The following STX8 variants were observed in gnomAD, a reference collection of about 807,000 sequenced individuals.
STX8 encodes syntaxin-8.
STX8 carries 23 observed loss-of-function variants against 37.5 expected under a neutral mutation model. The observed-to-expected ratio is 0.61, with a 90% CI of 0.44 to 0.87. The LOEUF is 0.87. STX8 is among the 40% of genes least tolerant of loss of function. STX8 has a pLI of 0.00. For missense variants in STX8, 313 were observed against 284.7 expected (o/e 1.10, Z -0.71); for synonymous variants, 115 against 99.1 (o/e 1.16, Z -0.95).
chr17:9,350,076 C>T (rs1260275089), intron 7 of STX8, among the ~76,000 whole-genome samples: 1 of 152,152 alleles, frequency 6.6e-6, no homozygotes, highest in African/African-American at 2.4e-5. Context: ...GACCTCCTGG[C>T]AATATGTCAG....
At chr17:9,396,403 G>A (rs1029391988) in intron 6 of STX8, among the ~76,000 whole-genome samples, 58 of 152,224 alleles carry the variant, frequency 3.8e-4, no homozygotes, top group African/African-American at 1.4e-3. Context: ...CTCTATATGG[G>A]CCGGGCGCAG....
At chr17:9,499,620 G>C (rs1258207212) in intron 5 of STX8, among the ~76,000 whole-genome samples, 1 of 152,092 alleles carries the variant, frequency 6.6e-6, no homozygotes, top group Non-Finnish European at 1.5e-5. Flanking sequence ...GGATGGTCTC[G>C]ATCTCTTGAC....
intron 7 of STX8, among the ~76,000 whole-genome samples, chr17:9,345,142 C>T (rs1367991794): frequency 6.6e-6 from 1 of 151,742 alleles, no homozygotes; most frequent in East Asian, 1.9e-4. Context: ...ATACACACAG[C>T]TCTCATTTTC....
At chr17:9,261,014 G>C (rs1907005312) in intron 7 of STX8, among the ~76,000 whole-genome samples, 1 of 152,228 alleles carries the variant, frequency 6.6e-6, no homozygotes. Flanking sequence ...AGGGGTGGGG[G>C]TTGGGATGAG....
intron 6 of STX8, among the ~76,000 whole-genome samples, chr17:9,465,281 C>T (rs1208686934): frequency 6.6e-6 from 1 of 151,732 alleles, no homozygotes; most frequent in African/African-American, 2.4e-5. Context: ...ACAGAAAGAA[C>T]AAAGATGCTA....
chr17:9,459,557 C>T (rs1311496818), intron 6 of STX8, among the ~76,000 whole-genome samples: 1 of 152,212 alleles, frequency 6.6e-6, no homozygotes, highest in Non-Finnish European at 1.5e-5. Context: ...GCTCTGTCGT[C>T]CAGGCTGGAG....
chr17:9,272,155 C>T (rs551379260), intron 7 of STX8, among the ~76,000 whole-genome samples: 2 of 152,332 alleles, frequency 1.3e-5, no homozygotes, highest in Non-Finnish European at 2.9e-5. Context: ...GTGTGTGGGA[C>T]CAACAGCAGC....
intron 3 of STX8, chr17:9,553,985 G>A (rs1384381126): frequency 6.6e-6 from 1 of 152,246 alleles, no homozygotes; most frequent in African/African-American, 2.4e-5. Context: ...GCTGGGGCCG[G>A]GCACAGTGGC....
At chr17:9,276,694 G>A (rs1266750105) in intron 7 of STX8, among the ~76,000 whole-genome samples, 2 of 151,456 alleles carry the variant, frequency 1.3e-5, no homozygotes, top group East Asian at 3.9e-4. Flanking sequence ...GGAGTGCAGT[G>A]GCACGATCTC....
At chr17:9,415,673 G>C (rs1913164035) in intron 6 of STX8, among the ~76,000 whole-genome samples, 2 of 152,202 alleles carry the variant, frequency 1.3e-5, no homozygotes, top group Admixed American at 6.5e-5. Flanking sequence ...GGAGGCTGAG[G>C]CAAGAGAATG....
At chr17:9,506,136 G>C (rs115438843) in intron 4 of STX8, among the ~76,000 whole-genome samples, 2,427 of 152,000 alleles carry the variant, frequency 0.016, 66 homozygotes, top group African/African-American at 0.055. Context: ...CGCTGTCTAA[G>C]GAACAGGAAA....
chr17:9,498,524 C>G (rs1904491555), intron 5 of STX8, among the ~76,000 whole-genome samples: 1 of 152,150 alleles, frequency 6.6e-6, no homozygotes, highest in African/African-American at 2.4e-5. Flanking sequence ...AGGAATCCTT[C>G]TAGTCTAGGT....
chr17:9,513,568 T>C (rs551863355), intron 4 of STX8, among the ~76,000 whole-genome samples: 3 of 152,350 alleles, frequency 2.0e-5, no homozygotes, highest in South Asian at 2.1e-4. Context: ...TATACACAGA[T>C]GGTGGAAATG....
At chr17:9,453,137 T>C (rs188074754) in intron 6 of STX8, among the ~76,000 whole-genome samples, 3 of 152,208 alleles carry the variant, frequency 2.0e-5, no homozygotes, top group Non-Finnish European at 2.9e-5. Context: ...GTTTCTCATC[T>C]TTAGTACTCA....
At chr17:9,433,226 C>T (rs147227295) in intron 6 of STX8, among the ~76,000 whole-genome samples, 1 of 152,340 alleles carries the variant, frequency 6.6e-6, no homozygotes, top group African/African-American at 2.4e-5. Flanking sequence ...GGACCCCAGG[C>T]CAGTGTGGGT....
intron 4 of STX8, among the ~76,000 whole-genome samples, chr17:9,523,523 T>A (rs1467150444): frequency 6.6e-6 from 1 of 152,122 alleles, no homozygotes; most frequent in Non-Finnish European, 1.5e-5. Flanking sequence ...CAACTCTCCA[T>A]CTTCTTCCAG....
chr17:9,343,924 AC>A (rs1026903648), intron 7 of STX8, among the ~76,000 whole-genome samples: 2 of 152,208 alleles, frequency 1.3e-5, no homozygotes, highest in Non-Finnish European at 2.9e-5. Flanking sequence ...GTTAATTTTC[AC>A]CCAGGTTCCC....
chr17:9,552,380 T>C (rs1906800069), intron 3 of STX8, among the ~76,000 whole-genome samples: 1 of 152,210 alleles, frequency 6.6e-6, no homozygotes, highest in Admixed American at 6.6e-5. Flanking sequence ...ATCAAAAAAC[T>C]TCTGCTACAC....
intron 6 of STX8, among the ~76,000 whole-genome samples, chr17:9,459,774 C>G (rs949068286): frequency 6.6e-6 from 1 of 152,348 alleles, no homozygotes; most frequent in East Asian, 1.9e-4. Context: ...CTCGGCCTCC[C>G]GAAGTGCTCG....
Sources: gnomAD v4.1 joint callset for allele counts (sites outside exome capture counted in the v4.1 genomes callset) on GRCh38, gnomAD v4.1.1 for gene constraint, MANE v1.5 for transcripts, NCBI Gene and HGNC (gene_info 2026-07-23, HGNC 2026-07-21) for gene names.